The following PKD1 variants were observed in gnomAD, a reference collection of about 807,000 sequenced individuals.
The protein encoded by PKD1 is polycystin 1, transient receptor potential channel interacting.
PKD1 carries 81 observed loss-of-function variants against 361.7 expected under a neutral mutation model. That is an observed-to-expected ratio of 0.22 (90% CI 0.19 to 0.27). PKD1 has a LOEUF of 0.27. PKD1 is among the 10% of genes least tolerant of loss of function. The probability of loss-of-function intolerance (pLI) is 1.00; values close to 1 mark genes in which losing one functional copy is unlikely to be tolerated. For missense variants in PKD1, 6,399 were observed against 6,118.3 expected, an observed-to-expected ratio of 1.05 and a Z score of -1.53; for synonymous variants, 3,615 against 2,818.3, an observed-to-expected ratio of 1.28 and a Z score of -8.95.
At position 2,102,811 on chromosome 16, in the gene PKD1, C is replaced by T. The variant is rs529413924; in HGVS notation, c.8948+3G>A. The stretch of plus-strand genomic sequence containing the variant: ...CCCTGCCAGGCTGGCCCGCAGAGCT[C>T]ACCCCGGGGAAATGAAGAAGGTGTA... On this transcript the variant is annotated splice_donor_region_variant and intron_variant, in intron 24 of 45. Transcript: ENST00000262304. The T allele has an allele frequency of 6.2e-6, 10 of 1,610,020 alleles. No individual in the cohort carries two copies. The South Asian group carries it at 8.8e-5, about 14-fold the overall frequency.
chr16:2,091,617 C>A lies in PKD1; in HGVS notation c.11538-20G>T. Reference sequence around the variant, plus strand: ...CGGCTCCTGCGCAGAGGGTGCGGGTCAGTAGGAGCGGGTGGCAGGGCGGGA... The same window carrying A: ...CGGCTCCTGCGCAGAGGGTGCGGGTAAGTAGGAGCGGGTGGCAGGGCGGGA... On this transcript the variant is annotated intron_variant, in intron 41 of 45. Transcript: ENST00000262304. 1 of 1,562,268 alleles carries A rather than the reference C, an allele frequency of 6.4e-7. No homozygotes were observed. Among genetic ancestry groups the A allele is most frequent in the South Asian group, 1.2e-5 (1 of 86,092 alleles).
chr16:2,089,303 A>T lies in PKD1; in HGVS notation c.*424T>A, dbSNP rs2091332165. The T allele has an allele frequency of 1.2e-5, 3 of 240,348 alleles. No individual in the cohort carries two copies. In the South Asian group the frequency reaches 2.6e-4, roughly 21 times the overall value. The allele number at this position is 240,348 out of a possible 1,614,324, so 14.9% of individuals were successfully genotyped here. A position where few individuals can be genotyped will look rare whatever the true frequency, so the allele number is the denominator to read the frequency against. ...TTACTGACACGAGACACACAGTGAGACGGTGCAGGGAGTACGGTAGGAACT... is the reference window on the plus strand; with the variant it reads ...TTACTGACACGAGACACACAGTGAGTCGGTGCAGGGAGTACGGTAGGAACT... On this transcript the variant is annotated 3_prime_UTR_variant, in exon 46 of 46. Coordinates refer to ENST00000262304, the MANE Select transcript of PKD1 (RefSeq NM_001009944.3).
At chr16:2,105,583 A>T in intron 20 of PKD1, 109 bp from the exon 21 acceptor site, 1 of 1,591,700 alleles carries the variant, frequency 6.3e-7, no homozygotes, top group Admixed American at 1.7e-5. Flanking sequence ...ACGCTGTGTG[A>T]TGCGGGCACT....
rs753237386 is a variant in PKD1 at position 2,090,970 on chromosome 16, G to A, written c.11917C>T (p.Arg3973Cys). Residue 3973 changes from arginine (R) to cysteine (C), a missense_variant, in exon 43 of 46, where the codon CGC becomes TGC. Coordinates refer to ENST00000262304, the MANE Select transcript of PKD1 (RefSeq NM_001009944.3). ...WTRFVRGRPR[R>C]FTSFDQVAQL... The stretch of plus-strand genomic sequence containing the variant: ...GCCACCTGGTCGAAGCTAGTGAAGC[G>A]GCGCGGGCGGCCGCGCACGAAACGG... 21 of 1,543,010 alleles carry A rather than the reference G, an allele frequency of 1.4e-5. No individual in the cohort carries two copies. The highest frequency in any genetic ancestry group is 1.9e-5 in the Admixed American group (1 of 51,622).
chr16:2,108,249 G>A lies in PKD1; in HGVS notation c.6915+3C>T, dbSNP rs748525881. On this transcript the variant is annotated splice_donor_region_variant and intron_variant, in intron 15 of 45. Transcript: ENST00000262304. ...ATGGAGGACGGCCCTGCCACGCACTGACCTGTGTCGAAGCCACACAGGCCC... is the reference window on the plus strand; with the variant it reads ...ATGGAGGACGGCCCTGCCACGCACTAACCTGTGTCGAAGCCACACAGGCCC... The A allele has an allele frequency of 2.5e-6, 4 of 1,597,272 alleles. No individual in the cohort carries two copies. The highest frequency in any genetic ancestry group is 8.5e-7 in the Non-Finnish European group (1 of 1,170,090).
chr16:2,097,880 G>A lies in PKD1; in HGVS notation c.10155C>T (p.Gly3385=), dbSNP rs1567165788. Residue 3385 remains glycine (G), a synonymous_variant, in exon 31 of 46, where the codon GGC becomes GGT. Transcript: ENST00000262304. ...VLDSSFLTFS[G]LHAEQAFVGQ... is the part of the protein sequence containing the mutation. ...GTAGAGTCCTCACCTCAGCGTGGAGGCCTGAGAACGTGAGGAAGGAGCTGT... is the reference window on the plus strand; with the variant it reads ...GTAGAGTCCTCACCTCAGCGTGGAGACCTGAGAACGTGAGGAAGGAGCTGT... 5 of 1,602,430 alleles carry A rather than the reference G, an allele frequency of 3.1e-6. No individual in the cohort carries two copies. In the South Asian group the frequency reaches 3.3e-5, roughly 11 times the overall value.
chr16:2,107,185 C>G (rs572003370), intron 16 of PKD1: 9 of 585,660 alleles, frequency 1.5e-5, no homozygotes, highest in East Asian at 1.5e-4. Flanking sequence ...CTGGACCCAG[C>G]TGGACCCTAG....
Position 2,112,957 on chromosome 16 carries a change from C to A in PKD1, c.2992G>T (p.Ala998Ser), listed in dbSNP as rs2092557509. The A allele has an allele frequency of 1.3e-6, 2 of 1,599,598 alleles. No homozygotes were observed. The highest frequency in any genetic ancestry group is 1.7e-6 in the Non-Finnish European group (2 of 1,179,630). The change falls in exon 13 of 46, where the codon GCC (alanine) becomes TCC (serine). Residue 998 changes from alanine to serine, a missense_variant. By Grantham distance (99) the Ala-to-Ser change is moderately conservative. Coordinates refer to ENST00000262304, the MANE Select transcript of PKD1 (RefSeq NM_001009944.3). ...SAAVFKLSLT[A>S]SNHVSNVTVN... Reference sequence around the variant, plus strand: ...GTGACGTTGCTCACGTGGTTGGAGGCCGTCAGCTGCAGGGACAGGCGTCAG... The same window carrying A: ...GTGACGTTGCTCACGTGGTTGGAGGACGTCAGCTGCAGGGACAGGCGTCAG...
Position 2,089,549 on chromosome 16 carries a change from G to C in PKD1, c.*178C>G. The C allele has an allele frequency of 1.4e-6, 1 of 734,012 alleles. No homozygotes were observed. The highest frequency in any genetic ancestry group is 2.7e-5 in the East Asian group (1 of 36,712). The allele number at this position is 734,012 out of a possible 1,614,324, so 45.5% of individuals were successfully genotyped here. On this transcript the variant is annotated 3_prime_UTR_variant, in exon 46 of 46. Transcript: ENST00000262304. ...GCTGGGGAGGGGACCCTGGGTCCTG[G>C]TTGGCCACACAGCCTCTTTAAAGTG...
At chr16:2,117,345 C>T (rs1404942173) in intron 6 of PKD1, 144 bp downstream of exon 6, 28 of 635,692 alleles carry the variant, frequency 4.4e-5, no homozygotes, top group Non-Finnish European at 7.1e-5. Context: ...CTGACAGGAA[C>T]GGCCCCACCG....
chr16:2,114,361 C>G lies in PKD1; in HGVS notation c.2662G>C (p.Glu888Gln). ...VATFVPGCPW[E>Q]TNDTLFSVVA... is the part of the protein sequence containing the mutation. ...ACTGAGAACAGGGTATCGTTGGTCT[C>G]CCAGGGGCAGCCGGGCACGAAGGTG... The change falls in exon 11 of 46, where the codon GAG becomes CAG. Residue 888 changes from glutamate (E) to glutamine (Q), a missense_variant. Transcript: ENST00000262304. 1.9e-6 allele frequency: 3 copies of G among 1,610,168 alleles called. No homozygotes were observed. The Admixed American group carries it at 5.0e-5, about 27-fold the overall frequency.
intron 1 of PKD1, among the ~76,000 whole-genome samples, chr16:2,126,119 G>C (rs568274734): frequency 1.3e-5 from 2 of 152,174 alleles, no homozygotes; most frequent in African/African-American, 2.4e-5. Flanking sequence ...TCACCCACTC[G>C]GCTGTGGGCA....
At position 2,089,382 on chromosome 16, in the gene PKD1, G is replaced by C. The variant is rs2091341117; in HGVS notation, c.*345C>G. On this transcript the variant is annotated 3_prime_UTR_variant, in exon 46 of 46. Coordinates refer to ENST00000262304, the MANE Select transcript of PKD1 (RefSeq NM_001009944.3). ...GCGGCGGTGCAGGCTAACCCTCCCT[G>C]AAGCCAGCAGCCTTAGCAGTGGGGG... 1 of 408,078 alleles carries C rather than the reference G, an allele frequency of 2.5e-6. No homozygotes were observed. The highest frequency in any genetic ancestry group is 4.5e-6 in the Non-Finnish European group (1 of 223,130). The allele number at this position is 408,078 out of a possible 1,614,324, so 25.3% of individuals were successfully genotyped here. A position where few individuals can be genotyped will look rare whatever the true frequency, so the allele number is the denominator to read the frequency against.
At chr16:2,133,255 T>C (rs2092910773) in intron 1 of PKD1, 3 of 148,124 alleles carry the variant, frequency 2.0e-5, no homozygotes, top group East Asian at 2.0e-4. Context: ...CGCCATCTTT[T>C]CCAAAAGCCA....
chr16:2,090,133 G>C lies in PKD1; in HGVS notation c.12506C>G (p.Ser4169Cys). The change falls in exon 46 of 46, where the codon TCC becomes TGC. Residue 4169 changes from serine to cysteine, a missense_variant. By Grantham distance (112) the Ser-to-Cys change is moderately radical. Transcript: ENST00000262304. ...EPLPSRSSRG[S>C]KVSPDVPPPS... ...TGGGGGCACATCCGGGGATACCTTG[G>C]AGCCCCTGGAGGAGCGAGAGGGCAG... 1 of 1,597,056 alleles carries C rather than the reference G, an allele frequency of 6.3e-7. No individual in the cohort carries two copies. The highest frequency in any genetic ancestry group is 8.5e-7 in the Non-Finnish European group (1 of 1,170,452).
At chr16:2,121,515 G>C (rs1473262724) in intron 1 of PKD1, among the ~76,000 whole-genome samples, 1 of 152,200 alleles carries the variant, frequency 6.6e-6, no homozygotes, top group African/African-American at 2.4e-5. Flanking sequence ...CATGTCAGTA[G>C]TCAGTGAAGA....
At position 2,132,474 on chromosome 16, in the gene PKD1, C is replaced by G. The variant is rs573325247; in HGVS notation, c.215+3001G>C. On this transcript the variant is annotated intron_variant, in intron 1 of 45. Coordinates refer to ENST00000262304, the MANE Select transcript of PKD1 (RefSeq NM_001009944.3). ...ACCCAGCTACCAGGTACTCGGGAGG[C>G]TGAGGCAGGAGAATCGCTTGAACCA... Among the ~76,000 whole-genome samples the G allele has an allele frequency of 1.2e-4, 18 of 148,784 alleles. No individual in the cohort carries two copies. The East Asian group carries it at 3.6e-3, about 30-fold the overall frequency.
Position 2,118,568 on chromosome 16 carries a change from C to T in PKD1, c.530-106G>A. The T allele has an allele frequency of 1.0e-6, 1 of 973,418 alleles. No individual in the cohort carries two copies. The highest frequency in any genetic ancestry group is 1.4e-5 in the South Asian group (1 of 72,578). 60.3% of individuals were successfully genotyped at this position (973,418 alleles called of 1,614,324 possible). A position where few individuals can be genotyped will look rare whatever the true frequency, so the allele number is the denominator to read the frequency against. On this transcript the variant is annotated intron_variant, in intron 4 of 45. Transcript: ENST00000262304. This position sits in a 1 kb window ranked among gnomAD's most constrained non-coding sequence, Gnocchi z 6.0. ...CAGGCTCCCATGCTGTTCCCTTGGC[C>T]CGGAGGCCCCCCCCAGAGAGGCCTT... is the stretch of plus-strand genomic sequence containing the variant.
At chr16:2,123,588 T>C (rs2092755505) in intron 1 of PKD1, 1 of 446,174 alleles carries the variant, frequency 2.2e-6, no homozygotes, top group Admixed American at 2.4e-5. Flanking sequence ...GGGCTTCCTC[T>C]GCACCCGCCA....
Sources: allele counts gnomAD v4.1 joint callset (sites outside exome capture counted in the v4.1 genomes callset), GRCh38; gene constraint gnomAD v4.1.1; non-coding constraint Gnocchi (gnomAD v3.1); transcripts MANE v1.5; gene names NCBI Gene and HGNC (gene_info 2026-07-23, HGNC 2026-07-21).